CCDC68: variants seen among roughly 807,000 people sequenced by gnomAD.
CCDC68 encodes coiled-coil domain-containing protein 68.
A neutral mutation model predicts 47.1 loss-of-function variants in CCDC68; 45 were observed. The observed-to-expected ratio is 0.96, with a 90% CI of 0.75 to 1.23. The LOEUF is 1.23. Among genes scored for constraint, CCDC68 ranks in the 50% most tolerant of loss-of-function variants. The pLI is 0.00. For missense variants in CCDC68, 353 were observed against 373.6 expected (o/e 0.94, Z 0.45); for synonymous variants, 131 against 129.5 (o/e 1.01, Z -0.08).
chr18:54,957,298 T>C (rs1048170379), intron 1 of CCDC68, among the ~76,000 whole-genome samples: 1 of 152,230 alleles, frequency 6.6e-6, no homozygotes, highest in African/African-American at 2.4e-5. Flanking sequence ...CTTGACTTTT[T>C]AAATCAGTGA....
At chr18:54,944,851 A>T (rs1446361677) in intron 2 of CCDC68, among the ~76,000 whole-genome samples, 1 of 152,204 alleles carries the variant, frequency 6.6e-6, no homozygotes, top group African/African-American at 2.4e-5. Context: ...GGAAACTTTA[A>T]CCTGAGAGAC....
intron 10 of CCDC68, among the ~76,000 whole-genome samples, chr18:54,909,833 C>A (rs1479537038): frequency 6.6e-6 from 1 of 152,228 alleles, no homozygotes; most frequent in Non-Finnish European, 1.5e-5. Flanking sequence ...CGCAAGGCCC[C>A]AAAGAGAGAG....
At chr18:54,918,382 AG>A (rs2043992018) in intron 9 of CCDC68, among the ~76,000 whole-genome samples, 2 of 152,192 alleles carry the variant, frequency 1.3e-5, no homozygotes, top group South Asian at 4.1e-4. Context: ...TCCCTGCAGT[AG>A]AGATTTGTCA....
intron 10 of CCDC68, among the ~76,000 whole-genome samples, chr18:54,912,053 T>C (rs1393231918): frequency 2.0e-5 from 3 of 152,218 alleles, no homozygotes; most frequent in African/African-American, 4.8e-5. Flanking sequence ...GGATAGTTTA[T>C]TGACATAGTT....
intron 10 of CCDC68, among the ~76,000 whole-genome samples, chr18:54,909,852 C>T (rs555885151): frequency 6.6e-6 from 1 of 152,360 alleles, no homozygotes; most frequent in African/African-American, 2.4e-5. Flanking sequence ...AGTCACAGCC[C>T]TGGCTCAGGG....
intron 1 of CCDC68, among the ~76,000 whole-genome samples, chr18:54,952,788 T>A (rs182969358): frequency 3.7e-4 from 56 of 152,252 alleles, no homozygotes; most frequent in Admixed American, 1.6e-3. Context: ...CGAGGCGAGC[T>A]GATCACCTGA....
Position 54,920,222 on chromosome 18 carries a change from T to C in CCDC68, c.684-846A>G, listed in dbSNP as rs573430497. ...CTTATCCAATGTCATCCCAATTCTG[T>C]TTCTTTCTTTTTTCTTTTTTTTTTT... On this transcript the variant is annotated intron_variant, in intron 8 of 11. Transcript: ENST00000591504. 8.0e-5 allele frequency among the ~76,000 whole-genome samples: 10 copies of C among 125,098 alleles called. No homozygotes were observed. The East Asian group carries it at 2.1e-3, about 27-fold the overall frequency. 82.1% of individuals were successfully genotyped at this position (125,098 alleles called of 152,430 possible).
At chr18:54,959,014 C>T (rs982382310) in intron 1 of CCDC68, among the ~76,000 whole-genome samples, 1 of 152,166 alleles carries the variant, frequency 6.6e-6, no homozygotes, top group African/African-American at 2.4e-5. Context: ...GCAGAAATCG[C>T]GGGGACCCCT....
intron 11 of CCDC68, among the ~76,000 whole-genome samples, chr18:54,905,809 C>T (rs999085710): frequency 6.6e-6 from 1 of 152,120 alleles, no homozygotes; most frequent in African/African-American, 2.4e-5. Flanking sequence ...GAGGGCGAAG[C>T]TTCATCTGTA....
chr18:54,909,563 G>C (rs1914227154), intron 10 of CCDC68, among the ~76,000 whole-genome samples: 1 of 152,230 alleles, frequency 6.6e-6, no homozygotes, highest in Admixed American at 6.5e-5. Context: ...CTGGCAGGCT[G>C]TGAACTACTG....
At chr18:54,929,390 T>C (rs1370953690) in intron 7 of CCDC68, among the ~76,000 whole-genome samples, 2 of 152,180 alleles carry the variant, frequency 1.3e-5, no homozygotes, top group Non-Finnish European at 2.9e-5. Flanking sequence ...GCTTTCCAAT[T>C]AGGATACAGG....
intron 8 of CCDC68, among the ~76,000 whole-genome samples, chr18:54,924,593 T>TA (rs1257523224): frequency 6.6e-6 from 1 of 152,208 alleles, no homozygotes; most frequent in African/African-American, 2.4e-5. Context: ...CACTTCCTGT[T>TA]AGATTCCTTA....
At position 54,902,780 on chromosome 18, in the gene CCDC68, G is replaced by A. The variant is rs1913756695; in HGVS notation, c.*1578C>T. On this transcript the variant is annotated 3_prime_UTR_variant, in exon 12 of 12. Transcript: ENST00000591504. Reference sequence around the variant, plus strand: ...ATTTCTTAGACCACCATGTGAGCAAGTAGAATGAATATCAATAGCCAAGTC... The same window carrying A: ...ATTTCTTAGACCACCATGTGAGCAAATAGAATGAATATCAATAGCCAAGTC... 6.6e-6 allele frequency: 1 copy of A among 152,154 alleles called. No individual in the cohort carries two copies. Among genetic ancestry groups the A allele is most frequent in the African/African-American group, 2.4e-5 (1 of 41,436 alleles). The allele number at this position is 152,154 out of a possible 1,614,324, so 9.4% of individuals were successfully genotyped here. A position where few individuals can be genotyped will look rare whatever the true frequency, so the allele number is the denominator to read the frequency against.
chr18:54,947,312 G>T (rs1001103523), intron 1 of CCDC68, among the ~76,000 whole-genome samples: 1 of 152,204 alleles, frequency 6.6e-6, no homozygotes, highest in Non-Finnish European at 1.5e-5. Context: ...TTTCAAACAG[G>T]GCTCCCAGGG....
chr18:54,944,128 C>T (rs2145598322), intron 2 of CCDC68, among the ~76,000 whole-genome samples: 1 of 152,144 alleles, frequency 6.6e-6, no homozygotes. Context: ...TATATTCTAC[C>T]TTTATTCACT....
At chr18:54,914,177 G>C (rs887706331) in intron 10 of CCDC68, among the ~76,000 whole-genome samples, 2 of 152,080 alleles carry the variant, frequency 1.3e-5, no homozygotes, top group African/African-American at 4.8e-5. Context: ...AATATGGCTT[G>C]GACTTTTTAA....
chr18:54,956,927 T>TA (rs912742847), intron 1 of CCDC68, among the ~76,000 whole-genome samples: 31 of 151,374 alleles, frequency 2.0e-4, no homozygotes, highest in African/African-American at 6.8e-4. Context: ...AAAGCTTTTT[T>TA]AAAAAAAAAT....
intron 10 of CCDC68, among the ~76,000 whole-genome samples, chr18:54,909,389 T>C (rs1914212918): frequency 6.6e-6 from 1 of 151,106 alleles, no homozygotes. Flanking sequence ...TCTTTTTTTT[T>C]TTTTTTTTTT....
At chr18:54,909,241 C>T (rs976835339) in intron 10 of CCDC68, among the ~76,000 whole-genome samples, 1 of 152,094 alleles carries the variant, frequency 6.6e-6, no homozygotes, top group Non-Finnish European at 1.5e-5. Context: ...AAAGGACACA[C>T]CCATATAAAA....
Sources: gnomAD v4.1 joint callset for allele counts (sites outside exome capture counted in the v4.1 genomes callset) on GRCh38, gnomAD v4.1.1 for gene constraint, MANE v1.5 for transcripts, NCBI Gene and HGNC (gene_info 2026-07-23, HGNC 2026-07-21) for gene names.